SCN2A: variants seen among roughly 807,000 people sequenced by gnomAD.
The protein encoded by SCN2A is sodium channel protein type 2 subunit alpha.
In SCN2A, 20 loss-of-function variants were observed where a neutral mutation model predicts 188.7. The ratio of observed to expected loss-of-function variants is 0.11; its 90% CI spans 0.07 to 0.15. The LOEUF (loss-of-function observed/expected upper bound fraction) is 0.15. Among genes scored for constraint, SCN2A ranks in the 10% least tolerant of loss-of-function variants. SCN2A has a pLI of 1.00. For missense variants in SCN2A, 1,278 were observed against 2,445.0 expected (o/e 0.52, Z 10.07); for synonymous variants, 804 against 833.1 (o/e 0.97, Z 0.60).
intron 25 of SCN2A, among the ~76,000 whole-genome samples, chr2:165,382,833 T>A (rs1042956504): frequency 6.6e-6 from 1 of 152,154 alleles, no homozygotes; most frequent in African/African-American, 2.4e-5. Context: ...GAAACACAGA[T>A]TCATTTTTGA....
At position 165,390,232 on chromosome 2, in the gene SCN2A, A is replaced by G. The variant is rs1702076071; in HGVS notation, c.*408A>G. The G allele has an allele frequency of 5.0e-6, 1 of 198,772 alleles. No homozygotes were observed. 12.3% of individuals were successfully genotyped at this position (198,772 alleles called of 1,614,324 possible). On this transcript the variant is annotated 3_prime_UTR_variant, in exon 27 of 27. Transcript: ENST00000375437. ...ATATTTTTACAAAACGTGTGCTGTG[A>G]ATTTATCACTTTTCTTTTTAATTCA...
chr2:165,288,970 A>G (rs183241726), intron 1 of SCN2A, among the ~76,000 whole-genome samples: 4 of 152,058 alleles, frequency 2.6e-5, no homozygotes, highest in African/African-American at 7.2e-5. Context: ...GTAGAACAGA[A>G]CTTAAAAGGC....
At chr2:165,306,507 TGTGTGTGTGTGTGTG>T (rs1697143225) in intron 3 of SCN2A, among the ~76,000 whole-genome samples, 6 of 644 alleles carry the variant, frequency 9.3e-3, no homozygotes, top group Admixed American at 0.056. Context: ...TGGTATTTTG[TGTGTGTGTGTGTGTG>T]TGTGTGTGTG....
chr2:165,250,353 A>G (rs1383052610), intron 1 of SCN2A, among the ~76,000 whole-genome samples: 1 of 152,036 alleles, frequency 6.6e-6, no homozygotes, highest in Non-Finnish European at 1.5e-5. Flanking sequence ...TGCCTTTAAT[A>G]GCTTTTAAAT....
At position 165,390,222 on chromosome 2, in the gene SCN2A, G is replaced by A. The variant is rs955481306; in HGVS notation, c.*398G>A. On this transcript the variant is annotated 3_prime_UTR_variant, in exon 27 of 27. Coordinates refer to ENST00000375437, the MANE Select transcript of SCN2A (RefSeq NM_001040142.2). ...CACACCTGCCATATTTTTACAAAAC[G>A]TGTGCTGTGAATTTATCACTTTTCT... is the stretch of plus-strand genomic sequence containing the variant. 16 of 207,210 alleles carry A rather than the reference G, an allele frequency of 7.7e-5. No individual in the cohort carries two copies. The highest frequency in any genetic ancestry group is 1.4e-4 in the Non-Finnish European group (14 of 101,376). The allele number at this position is 207,210 out of a possible 1,614,324, so 12.8% of individuals were successfully genotyped here.
intron 1 of SCN2A, among the ~76,000 whole-genome samples, chr2:165,264,523 T>C (rs2106092661): frequency 6.6e-6 from 1 of 152,134 alleles, no homozygotes; most frequent in East Asian, 1.9e-4. Context: ...TTGAAAGCAT[T>C]CCCCCTGAGA....
At chr2:165,289,072 C>T (rs1377812587) in intron 1 of SCN2A, among the ~76,000 whole-genome samples, 1 of 151,976 alleles carries the variant, frequency 6.6e-6, no homozygotes, top group Non-Finnish European at 1.5e-5. Context: ...TTATCCACAA[C>T]CACTAATTAC....
chr2:165,362,422 C>A (rs530542641), intron 17 of SCN2A, among the ~76,000 whole-genome samples: 1 of 151,892 alleles, frequency 6.6e-6, no homozygotes, highest in Admixed American at 6.6e-5. Context: ...TTAAAAAAAA[C>A]ACCTCAACAT....
intron 1 of SCN2A, among the ~76,000 whole-genome samples, chr2:165,276,299 A>T (rs1695341167): frequency 6.6e-6 from 1 of 152,166 alleles, no homozygotes; most frequent in African/African-American, 2.4e-5. Flanking sequence ...TTAGCTCCCT[A>T]AAAATACAAA....
intron 11 of SCN2A, 44 bp from the exon 12 acceptor site, chr2:165,323,112 A>T: frequency 3.4e-6 from 5 of 1,491,204 alleles, no homozygotes; most frequent in Non-Finnish European, 3.7e-6. Flanking sequence ...GCCAGCTCTT[A>T]ACTCTCTTCA....
intron 14 of SCN2A, among the ~76,000 whole-genome samples, chr2:165,338,742 T>C (rs1179372943): frequency 6.6e-6 from 1 of 152,168 alleles, no homozygotes; most frequent in Non-Finnish European, 1.5e-5. Context: ...GTAAGATTCA[T>C]TTAACATTTG....
At chr2:165,357,360 A>G (rs1304996032) in intron 17 of SCN2A, among the ~76,000 whole-genome samples, 2 of 152,184 alleles carry the variant, frequency 1.3e-5, no homozygotes, top group African/African-American at 4.8e-5. Context: ...AAACATCATG[A>G]GGCTTATTAC....
rs1698381017 is a variant in SCN2A at position 165,326,797 on chromosome 2, T to C, written c.2017-55T>C. On this transcript the variant is annotated intron_variant, in intron 12 of 26. Transcript: ENST00000375437. The stretch of plus-strand genomic sequence containing the variant: ...AATAACACCTGTTGTAGGAATGCTT[T>C]GGGCTTTGCTGCTTTCAAAAATAGT... 5.6e-6 allele frequency: 9 copies of C among 1,604,186 alleles called. No homozygotes were observed. The South Asian group carries it at 9.9e-5, about 18-fold the overall frequency.
rs568747492 is a variant in SCN2A, at chr2:165,370,383, CA to C, written c.3849+85del. 1.9e-3 allele frequency: 2,441 copies of C among 1,290,468 alleles called. 7 individuals carry two copies. The highest frequency in any genetic ancestry group is 2.6e-3 in the Non-Finnish European group (2,305 of 886,096). 79.9% of individuals were successfully genotyped at this position (1,290,468 alleles called of 1,614,324 possible). The stretch of plus-strand genomic sequence containing the variant: ...TGGTGCCTGACACAGTGTAGGCACT[CA>C]GTAACACTGTATCAGCCCAAATATA... On this transcript the variant is annotated intron_variant, in intron 20 of 26. Transcript: ENST00000375437.
chr2:165,369,067 A>G (rs1378764408), intron 19 of SCN2A, among the ~76,000 whole-genome samples: 1 of 152,088 alleles, frequency 6.6e-6, no homozygotes, highest in Non-Finnish European at 1.5e-5. Context: ...CTGGGATTAC[A>G]GGTGTGAGCT....
chr2:165,308,121 G>A (rs184463457), intron 4 of SCN2A, among the ~76,000 whole-genome samples, 184 bp downstream of exon 4: 1 of 152,228 alleles, frequency 6.6e-6, no homozygotes, highest in Non-Finnish European at 1.5e-5. Flanking sequence ...TCACTTAGTT[G>A]TGTAAATTAC....
intron 25 of SCN2A, among the ~76,000 whole-genome samples, chr2:165,384,347 G>A (rs1701752591): frequency 6.6e-6 from 1 of 152,090 alleles, no homozygotes; most frequent in Admixed American, 6.6e-5. Flanking sequence ...CCAAGATGAA[G>A]TTAGAGAACA....
In SCN2A at chr2:165,306,285, A is replaced by G. The variant is rs940211750; in HGVS notation, c.387-1563A>G. 2.0e-5 allele frequency among the ~76,000 whole-genome samples: 3 copies of G among 152,248 alleles called. No homozygotes were observed. The South Asian group carries it at 6.2e-4, about 32-fold the overall frequency. On this transcript the variant is annotated intron_variant, in intron 3 of 26. Coordinates refer to ENST00000375437, the MANE Select transcript of SCN2A (RefSeq NM_001040142.2). ...GTGGGAGATGGAGCCTAGTAGGAAA[A>G]TACAGGACTGTGTTGAGGACCACTG...
At chr2:165,381,055 G>T (rs775367463) in intron 24 of SCN2A, 38 bp from the exon 25 acceptor site, 7 of 1,405,288 alleles carry the variant, frequency 5.0e-6, no homozygotes, top group African/African-American at 1.4e-5. Flanking sequence ...AGCCAGCAAA[G>T]AACACAATTT....
Sources: allele counts gnomAD v4.1 joint callset (sites outside exome capture counted in the v4.1 genomes callset), GRCh38; gene constraint gnomAD v4.1.1; transcripts MANE v1.5; gene names NCBI Gene and HGNC (gene_info 2026-07-23, HGNC 2026-07-21).